ERO1A: variants seen among roughly 807,000 people sequenced by gnomAD.
The protein encoded by ERO1A is endoplasmic reticulum oxidoreductase 1 alpha.
Under a neutral mutation model 76.9 loss-of-function variants are expected in ERO1A, and 49 were observed. The observed-to-expected ratio is 0.64, with a 90% CI of 0.51 to 0.81. The LOEUF (loss-of-function observed/expected upper bound fraction) is 0.81, where lower values mean the gene tolerates loss of function less well. Ranked by LOEUF, ERO1A falls within the 30% of genes least tolerant of loss-of-function variation. ERO1A has a pLI of 0.00. For missense variants in ERO1A, 448 were observed against 542.1 expected (o/e 0.83, Z 1.72); for synonymous variants, 174 against 181.2 (o/e 0.96, Z 0.32).
intron 1 of ERO1A, among the ~76,000 whole-genome samples, chr14:52,693,331 A>C (rs2041422015): frequency 6.6e-6 from 1 of 152,136 alleles, no homozygotes; most frequent in Non-Finnish European, 1.5e-5. Context: ...AGACTGGCCT[A>C]GCCTTCCAGC....
At chr14:52,664,517 G>A (rs2040337171) in intron 7 of ERO1A, among the ~76,000 whole-genome samples, 1 of 152,150 alleles carries the variant, frequency 6.6e-6, no homozygotes, top group African/African-American at 2.4e-5. Context: ...TTTGAGAACA[G>A]AATATGTAAG....
intron 15 of ERO1A, among the ~76,000 whole-genome samples, chr14:52,645,761 C>T (rs1204835053): frequency 1.3e-5 from 2 of 151,534 alleles, no homozygotes; most frequent in Non-Finnish European, 2.9e-5. Context: ...TCCAGCACTT[C>T]GGGAGGTGGA....
chr14:52,650,469 G>A (rs116737134), intron 13 of ERO1A, among the ~76,000 whole-genome samples: 225 of 143,456 alleles, frequency 1.6e-3, no homozygotes, highest in African/African-American at 5.6e-3. Context: ...CCAGGCAAGA[G>A]GTACTAATTT....
chr14:52,643,466 A>G lies in ERO1A; in HGVS notation c.*104T>C. On this transcript the variant is annotated 3_prime_UTR_variant, in exon 16 of 16. Transcript: ENST00000395686. The stretch of plus-strand genomic sequence containing the variant: ...TTCTCCTTTACAAAAGCAACTTTAT[A>G]TAAAATGTTTGGCTTAAGACTGTCA... 1 of 708,642 alleles carries G rather than the reference A, an allele frequency of 1.4e-6. No homozygotes were observed. Among genetic ancestry groups the G allele is most frequent in the Non-Finnish European group, 2.2e-6 (1 of 454,044 alleles). The allele number at this position is 708,642 out of a possible 1,614,324, so 43.9% of individuals were successfully genotyped here. A position where few individuals can be genotyped will look rare whatever the true frequency, so the allele number is the denominator to read the frequency against.
intron 1 of ERO1A, among the ~76,000 whole-genome samples, chr14:52,687,686 T>C (rs1318403609): frequency 6.6e-6 from 1 of 152,210 alleles, no homozygotes; most frequent in Admixed American, 6.5e-5. Flanking sequence ...AACTCTGACC[T>C]ACCACAGGAA....
intron 1 of ERO1A, among the ~76,000 whole-genome samples, chr14:52,693,635 G>A (rs764208016): frequency 1.3e-5 from 2 of 151,818 alleles, no homozygotes; most frequent in East Asian, 3.9e-4. Flanking sequence ...GACCACAGGC[G>A]CACACCATCA....
intron 3 of ERO1A, among the ~76,000 whole-genome samples, chr14:52,679,472 G>A (rs904932385): frequency 6.6e-6 from 1 of 151,012 alleles, no homozygotes; most frequent in African/African-American, 2.4e-5. Context: ...GGAGTGCAGT[G>A]GCAGATCTTG....
At chr14:52,663,264 T>C (rs1215017105) in intron 8 of ERO1A, among the ~76,000 whole-genome samples, 1 of 152,174 alleles carries the variant, frequency 6.6e-6, no homozygotes, top group Non-Finnish European at 1.5e-5. Context: ...TATCCTAATC[T>C]TTATTTTTTG....
chr14:52,688,794 C>T (rs1315354157), intron 1 of ERO1A, among the ~76,000 whole-genome samples: 1 of 152,082 alleles, frequency 6.6e-6, no homozygotes, highest in Non-Finnish European at 1.5e-5. Context: ...GGAAAATTAC[C>T]ACGTACCGCT....
chr14:52,693,607 A>G (rs1201389451), intron 1 of ERO1A, among the ~76,000 whole-genome samples: 1 of 152,174 alleles, frequency 6.6e-6, no homozygotes, highest in East Asian at 1.9e-4. Context: ...CTGCCACCTC[A>G]GTGTCCCAAG....
At chr14:52,672,061 G>C (rs1360121603) in intron 4 of ERO1A, 190 bp from the exon 5 acceptor site, 2 of 454,860 alleles carry the variant, frequency 4.4e-6, no homozygotes, top group African/African-American at 4.1e-5. Flanking sequence ...TCCCGGCACT[G>C]TGGGAGCCCG....
Position 52,646,281 on chromosome 14 carries a change from CCT to C in ERO1A, c.1217_1218del (p.Gln406ArgfsTer12), listed in dbSNP as rs2039651165. ...AAGATCTTCAGAGCAGTGCCCAAAC[CCT>C]GAGTCTGTAATAGAAATAAGGAAAA... is the stretch of plus-strand genomic sequence containing the variant. The part of the protein sequence containing the change: ...KCRLWGKLQT[Q>X]GLGTALKILF... On this transcript the variant is annotated frameshift_variant, in exon 15 of 16. Transcript: ENST00000395686. LOFTEE classifies it high-confidence loss of function. The C allele has an allele frequency of 6.2e-7, 1 of 1,608,090 alleles. No individual in the cohort carries two copies. The highest frequency in any genetic ancestry group is 8.5e-7 in the Non-Finnish European group (1 of 1,178,600).
At chr14:52,647,884 T>C (rs2039725216) in intron 13 of ERO1A, among the ~76,000 whole-genome samples, 1 of 152,158 alleles carries the variant, frequency 6.6e-6, no homozygotes, top group Non-Finnish European at 1.5e-5. Context: ...CTTATTCTAA[T>C]GTGATAAACC....
chr14:52,644,985 T>C (rs908578322), intron 15 of ERO1A, among the ~76,000 whole-genome samples: 1 of 152,206 alleles, frequency 6.6e-6, no homozygotes, highest in Admixed American at 6.5e-5. Context: ...TCAGCATTTC[T>C]TGCATGATAG....
rs2040910948 is a variant in ERO1A at position 52,679,400 on chromosome 14, GATAA to G, written c.319-932_319-929del. Among the ~76,000 whole-genome samples the G allele has an allele frequency of 5.4e-5, 8 of 149,514 alleles. No individual in the cohort carries two copies. In the Admixed American group the frequency reaches 5.4e-4, roughly 10 times the overall value. ...TATAAACTAAGAATATTTTTAGATG[GATAA>G]ATACCTTCCAATGATTTTTTTTTTT... On this transcript the variant is annotated intron_variant, in intron 3 of 15. Coordinates refer to ENST00000395686, the MANE Select transcript of ERO1A (RefSeq NM_014584.3).
At chr14:52,683,973 C>T (rs2139766762) in intron 1 of ERO1A, 66 bp from the exon 2 acceptor site, 2 of 1,357,094 alleles carry the variant, frequency 1.5e-6, no homozygotes, top group Non-Finnish European at 2.0e-6. Context: ...TTTTTCCTCA[C>T]ATGGTTGTTA....
rs377052767 is a variant in ERO1A at position 52,683,793 on chromosome 14, A to G, written c.229T>C (p.Tyr77His). The change falls in exon 2 of 16, where the codon TAC becomes CAC. Residue 77 changes from tyrosine (Y) to histidine (H), a missense_variant. Coordinates refer to ENST00000395686, the MANE Select transcript of ERO1A (RefSeq NM_014584.3). ...AAAATTAAAATTAAAAATACCTTGTAATACCTAAAGTAGTCACTTTCAAGA... is the reference window on the plus strand; with the variant it reads ...AAAATTAAAATTAAAAATACCTTGTGATACCTAAAGTAGTCACTTTCAAGA... ...KLLESDYFRY[Y>H]KVNLKRPCPF... is the part of the protein sequence containing the mutation. 7.2e-6 allele frequency: 10 copies of G among 1,396,682 alleles called. No individual in the cohort carries two copies. The highest frequency in any genetic ancestry group is 9.7e-6 in the Non-Finnish European group (10 of 1,025,944). The allele number at this position is 1,396,682 out of a possible 1,614,324, so 86.5% of individuals were successfully genotyped here. A position where few individuals can be genotyped will look rare whatever the true frequency, so the allele number is the denominator to read the frequency against.
Position 52,682,327 on chromosome 14 carries a change from A to C in ERO1A, c.316T>G (p.Ser106Ala). Residue 106 changes from serine (S) to alanine (A), a missense_variant and splice_region_variant, in exon 3 of 16, where the codon TCT becomes GCT. Coordinates refer to ENST00000395686, the MANE Select transcript of ERO1A (RefSeq NM_014584.3). Reference sequence around the variant, plus strand: ...TTAAATGTATACATGGTTCTTACAGATTGACATGGTTTGACAGCACAGTCC... The same window carrying C: ...TTAAATGTATACATGGTTCTTACAGCTTGACATGGTTTGACAGCACAGTCC... Reference protein sequence around the residue: ...RRDCAVKPCQSDEVPDGIKSA... With the variant: ...RRDCAVKPCQADEVPDGIKSA... 1 of 1,601,922 alleles carries C rather than the reference A, an allele frequency of 6.2e-7. No individual in the cohort carries two copies. The highest frequency in any genetic ancestry group is 8.5e-7 in the Non-Finnish European group (1 of 1,171,624).
chr14:52,680,604 C>T (rs1325492974), intron 3 of ERO1A, among the ~76,000 whole-genome samples: 1 of 152,150 alleles, frequency 6.6e-6, no homozygotes, highest in Non-Finnish European at 1.5e-5. Flanking sequence ...AGCATTTTTA[C>T]TAATTCATAT....
Sources: gnomAD v4.1 joint callset for allele counts (sites outside exome capture counted in the v4.1 genomes callset) on GRCh38, gnomAD v4.1.1 for gene constraint, MANE v1.5 for transcripts, NCBI Gene and HGNC (gene_info 2026-07-23, HGNC 2026-07-21) for gene names.